Variants in CERS1 observed in about 807,000 individuals in gnomAD.
CERS1 encodes ceramide synthase 1.
Under a neutral mutation model 35.7 loss-of-function variants are expected in CERS1, and 16 were observed. The observed-to-expected ratio is 0.45, with a 90% CI of 0.30 to 0.68. The LOEUF is 0.68. Among genes scored for constraint, CERS1 ranks in the 30% least tolerant of loss-of-function variants. The pLI, the probability that CERS1 is intolerant of heterozygous loss-of-function variation, is 0.08. For synonymous variants in CERS1, 243 were observed against 201.6 expected (o/e 1.21, Z -1.74); for missense variants, 454 against 453.9 (o/e 1.00, Z 0.00).
intron 6 of CERS1, among the ~76,000 whole-genome samples, chr19:18,872,541 G>T (rs376751643): frequency 8.9e-5 from 13 of 146,658 alleles, no homozygotes; most frequent in African/African-American, 3.3e-4. Flanking sequence ...TTGAGACGAA[G>T]TCTCGCTCTT....
rs1195603216 is a variant in CERS1, at chr19:18,878,454, CCT to C, written c.1010+474_1010+475del. 8.1e-6 allele frequency: 8 copies of C among 992,030 alleles called. No homozygotes were observed. The Admixed American group carries it at 1.7e-4, about 21-fold the overall frequency. The allele number at this position is 992,030 out of a possible 1,614,324, so 61.5% of individuals were successfully genotyped here. A position where few individuals can be genotyped will look rare whatever the true frequency, so the allele number is the denominator to read the frequency against. On this transcript the variant is annotated intron_variant, in intron 6 of 7. Coordinates refer to ENST00000623882, the MANE Select transcript of CERS1 (RefSeq NM_021267.5). This position sits in a 1 kb window ranked among gnomAD's most constrained non-coding sequence, Gnocchi z 4.6. ...CCTGTTTGGCCGGGCAGTGGGCTCC[CCT>C]GTCAAACTCAGAGGCCAGGATGTCT...
rs758878687 is a variant in CERS1 at position 18,869,359 on chromosome 19, C to A, written c.*626G>T. ...TCCACTCAGGGCAATGCCCCGCGGC[C>A]GAGGCAGGCTCCGAGGCCCGGGTGG... On this transcript the variant is annotated 3_prime_UTR_variant, in exon 8 of 8. Coordinates refer to ENST00000623882, the MANE Select transcript of CERS1 (RefSeq NM_021267.5). 6.5e-7 allele frequency: 1 copy of A among 1,532,152 alleles called. No homozygotes were observed. Among genetic ancestry groups the A allele is most frequent in the Non-Finnish European group, 8.7e-7 (1 of 1,146,660 alleles). 94.9% of individuals were successfully genotyped at this position (1,532,152 alleles called of 1,614,324 possible). A position where few individuals can be genotyped will look rare whatever the true frequency, so the allele number is the denominator to read the frequency against.
rs1288209989 is a variant in CERS1 at position 18,869,062 on chromosome 19, C to G, written c.*923G>C. On this transcript the variant is annotated 3_prime_UTR_variant, in exon 8 of 8. Transcript: ENST00000623882. The stretch of plus-strand genomic sequence containing the variant: ...AGGCGGCAGGGGCCCGGGGGCGTAG[C>G]GCCAGCGCCAGGCGGAGGCTGCGCG... 9.4e-7 allele frequency: 1 copy of G among 1,059,674 alleles called. No individual in the cohort carries two copies. The highest frequency in any genetic ancestry group is 1.7e-5 in the African/African-American group (1 of 58,290). The allele number at this position is 1,059,674 out of a possible 1,614,324, so 65.6% of individuals were successfully genotyped here.
chr19:18,882,542 C>T (rs998964227), intron 3 of CERS1, among the ~76,000 whole-genome samples: 18 of 151,392 alleles, frequency 1.2e-4, no homozygotes, highest in Non-Finnish European at 2.4e-4. Context: ...TGAGGCGAGG[C>T]GGGAGGATTG....
At chr19:18,869,587 G>A (rs1413201891) in intron 7 of CERS1, among the ~76,000 whole-genome samples, 197 bp from the exon 8 acceptor site, 1 of 149,740 alleles carries the variant, frequency 6.7e-6, no homozygotes, top group African/African-American at 2.5e-5. Flanking sequence ...GGGGTGCGGC[G>A]GGGGGGGTGG....
chr19:18,873,075 G>C (rs1488068094), intron 6 of CERS1, among the ~76,000 whole-genome samples: 1 of 147,854 alleles, frequency 6.8e-6, no homozygotes, highest in Non-Finnish European at 1.5e-5. Flanking sequence ...TCATAGATGA[G>C]GAGGAGAGGG....
At chr19:18,869,488 G>C (rs1017324676) in intron 7 of CERS1, 98 bp from the exon 8 acceptor site, 34 of 1,432,290 alleles carry the variant, frequency 2.4e-5, no homozygotes, top group Middle Eastern at 2.5e-4. Flanking sequence ...GCTGGGGCTC[G>C]GGGCGCACCG....
intron 3 of CERS1, among the ~76,000 whole-genome samples, chr19:18,882,850 G>C (rs1380468666): frequency 6.6e-6 from 1 of 151,294 alleles, no homozygotes; most frequent in African/African-American, 2.4e-5. Context: ...CCACCACCAC[G>C]CCCAGCTAAT....
intron 2 of CERS1, among the ~76,000 whole-genome samples, chr19:18,893,135 G>A (rs983522144): frequency 6.6e-6 from 1 of 152,030 alleles, no homozygotes. Flanking sequence ...GGATGGTCTC[G>A]ATCTCCTAAC....
At chr19:18,894,623 A>G (rs2056580836) in intron 1 of CERS1, among the ~76,000 whole-genome samples, 1 of 151,996 alleles carries the variant, frequency 6.6e-6, no homozygotes, top group South Asian at 2.1e-4. Flanking sequence ...TCCCAGCTGG[A>G]AACTGGGAAG....
chr19:18,879,320 G>A lies in CERS1; in HGVS notation c.821C>T (p.Thr274Met), dbSNP rs769809173. Residue 274 changes from threonine to methionine, a missense_variant, in exon 5 of 8, where the codon ACG (threonine) becomes ATG (methionine). Physicochemically the swap from Thr to Met is moderately conservative, Grantham distance 81 (BLOSUM62 -1). Coordinates refer to ENST00000623882, the MANE Select transcript of CERS1 (RefSeq NM_021267.5). ...LYATSHCSLR[T>M]VPDIPFYFFF... ...GAAGTAGAAGGGGATGTCAGGCACC[G>A]TGCGCAGACTGCAGTGACTGGTGGC... 31 of 1,610,068 alleles carry A rather than the reference G, an allele frequency of 1.9e-5. No individual in the cohort carries two copies. The highest frequency in any genetic ancestry group is 3.4e-5 in the Admixed American group (2 of 59,282).
intron 3 of CERS1, among the ~76,000 whole-genome samples, chr19:18,882,779 G>A (rs2056247017): frequency 2.0e-5 from 3 of 151,750 alleles, no homozygotes. Flanking sequence ...TGCAACCTCC[G>A]CCTCCCGGGT....
chr19:18,885,525 T>G (rs8103221), intron 2 of CERS1, among the ~76,000 whole-genome samples: 48 of 66,786 alleles, frequency 7.2e-4, no homozygotes, highest in South Asian at 1.8e-3. Flanking sequence ...TTTTTTTTTT[T>G]TTTTTTTTTT....
chr19:18,872,001 A>G (rs2055979422), intron 6 of CERS1, among the ~76,000 whole-genome samples: 1 of 152,308 alleles, frequency 6.6e-6, no homozygotes, highest in Non-Finnish European at 1.5e-5. Flanking sequence ...AAACAAAGAC[A>G]CACCCTCACT....
At chr19:18,881,641 G>C (rs2056213052) in intron 3 of CERS1, 1 of 152,248 alleles carries the variant, frequency 6.6e-6, no homozygotes. Context: ...CTCTCACCAA[G>C]TCCCTGTTCC....
At position 18,893,493 on chromosome 19, in the gene CERS1, C is replaced by G; in HGVS notation, c.332G>C (p.Gly111Ala). 6.2e-7 allele frequency: 1 copy of G among 1,608,816 alleles called. No homozygotes were observed. The highest frequency in any genetic ancestry group is 8.5e-7 in the Non-Finnish European group (1 of 1,177,896). ...ESAWKFLFYL[G>A]SWSYSAYLLF... Reference sequence around the variant, plus strand: ...CAGGTAGGCACTGTAGCTCCAGCTGCCCAGGTAGAAGAGAAACTTCCAAGC... The same window carrying G: ...CAGGTAGGCACTGTAGCTCCAGCTGGCCAGGTAGAAGAGAAACTTCCAAGC... Residue 111 changes from glycine to alanine, a missense_variant, in exon 2 of 8, where the codon GGC becomes GCC. By Grantham distance (60) the Gly-to-Ala change is moderately conservative. Transcript: ENST00000623882.
At position 18,878,418 on chromosome 19, in the gene CERS1, C is replaced by T. The variant is rs2146008210; in HGVS notation, c.1010+512G>A. ...CTGGGCTGGACTGAGTCTGAGCTCC[C>T]AGCCCCAGCTCCTGTTTGGCCGGGC... is the stretch of plus-strand genomic sequence containing the variant. On this transcript the variant is annotated intron_variant, in intron 6 of 7. Coordinates refer to ENST00000623882, the MANE Select transcript of CERS1 (RefSeq NM_021267.5). The surrounding 1 kb of genome is among the most constrained non-coding windows in gnomAD (Gnocchi z 4.6). 1 of 990,830 alleles carries T rather than the reference C, an allele frequency of 1.0e-6. No individual in the cohort carries two copies. The highest frequency in any genetic ancestry group is 1.2e-6 in the Non-Finnish European group (1 of 833,172). 61.4% of individuals were successfully genotyped at this position (990,830 alleles called of 1,614,324 possible).
intron 2 of CERS1, among the ~76,000 whole-genome samples, chr19:18,885,011 C>T (rs1160258881): frequency 6.6e-6 from 1 of 152,004 alleles, no homozygotes. Context: ...CCACCGTGCC[C>T]GGCCAGCAGG....
chr19:18,886,307 T>C (rs2056358599), intron 2 of CERS1, among the ~76,000 whole-genome samples: 1 of 152,108 alleles, frequency 6.6e-6, no homozygotes, highest in Non-Finnish European at 1.5e-5. Context: ...CCCAGCACTT[T>C]GGGAGGCCGA....
Sources: gnomAD v4.1 joint callset for allele counts (sites outside exome capture counted in the v4.1 genomes callset) on GRCh38, gnomAD v4.1.1 for gene constraint, Gnocchi (gnomAD v3.1) non-coding constraint, MANE v1.5 for transcripts, NCBI Gene and HGNC (gene_info 2026-07-23, HGNC 2026-07-21) for gene names.